Variants in TAFA2 observed in about 807,000 individuals in gnomAD.
TAFA2 encodes the protein TAFA chemokine like family member 2.
A neutral mutation model predicts 18.8 loss-of-function variants in TAFA2; 7 were observed. The ratio of observed to expected loss-of-function variants is 0.37; its 90% CI spans 0.21 to 0.70. The LOEUF is 0.70. TAFA2 is among the 30% of genes least tolerant of loss of function. TAFA2 has a pLI of 0.53. For synonymous variants in TAFA2, 60 were observed against 54.2 expected (o/e 1.11, Z -0.47); for missense variants, 122 against 158.1 (o/e 0.77, Z 1.23).
At chr12:62,065,030 A>G (rs1439186248) in intron 1 of TAFA2, among the ~76,000 whole-genome samples, 2 of 152,020 alleles carry the variant, frequency 1.3e-5, no homozygotes, top group African/African-American at 4.8e-5. Flanking sequence ...AATGCTACAT[A>G]TAATATTACT....
intron 1 of TAFA2, among the ~76,000 whole-genome samples, chr12:62,200,372 G>T (rs926800388): frequency 2.6e-5 from 4 of 152,120 alleles, no homozygotes; most frequent in African/African-American, 9.7e-5. Context: ...TTCTTCTAGG[G>T]TTTTTATATT....
chr12:62,021,814 C>G lies in TAFA2; in HGVS notation c.-1-154388G>C, dbSNP rs1055996371. 12 of 862,362 alleles carry G rather than the reference C, an allele frequency of 1.4e-5. No homozygotes were observed. The African/African-American group carries it at 1.7e-4, about 12-fold the overall frequency. 53.4% of individuals were successfully genotyped at this position (862,362 alleles called of 1,614,324 possible). ...GTGACAATGTAATAGTTAACACGGT[C>G]TCCGCTGTGGATCATCAGGCCATCC... On this transcript the variant is annotated intron_variant, in intron 1 of 4. Coordinates refer to ENST00000416284, the MANE Select transcript of TAFA2 (RefSeq NM_178539.5).
intron 1 of TAFA2, among the ~76,000 whole-genome samples, chr12:62,206,184 A>G (rs1034892073): frequency 1.1e-4 from 16 of 152,030 alleles, no homozygotes; most frequent in African/African-American, 3.9e-4. Flanking sequence ...CTTCCCCACC[A>G]TATGTATTTT....
chr12:61,984,606 T>C (rs1483650409), intron 1 of TAFA2, among the ~76,000 whole-genome samples: 1 of 152,216 alleles, frequency 6.6e-6, no homozygotes, highest in Non-Finnish European at 1.5e-5. Context: ...TGAAGACTTG[T>C]ATTATTCTAA....
chr12:62,061,434 C>T (rs538249283), intron 1 of TAFA2, among the ~76,000 whole-genome samples: 3 of 152,196 alleles, frequency 2.0e-5, no homozygotes, highest in African/African-American at 4.8e-5. Context: ...GGTGTGTAGT[C>T]GGCTTTACTA....
At chr12:61,732,765 G>A (rs968697223) in intron 4 of TAFA2, among the ~76,000 whole-genome samples, 6 of 151,742 alleles carry the variant, frequency 4.0e-5, no homozygotes, top group Admixed American at 6.6e-5. Flanking sequence ...GCGTGCGTGC[G>A]TGCATGTGTT....
intron 1 of TAFA2, among the ~76,000 whole-genome samples, chr12:62,138,187 G>A (rs564722628): frequency 3.4e-4 from 51 of 152,216 alleles, no homozygotes; most frequent in African/African-American, 1.1e-3. Flanking sequence ...GAAAGGATGA[G>A]GCAAGAGGAT....
At chr12:62,023,170 C>CAATAG (rs1224887082) in intron 1 of TAFA2, among the ~76,000 whole-genome samples, 8 of 151,972 alleles carry the variant, frequency 5.3e-5, no homozygotes, top group African/African-American at 1.9e-4. Flanking sequence ...GCCTGTTTTC[C>CAATAG]AATAGCAAAA....
chr12:61,788,755 G>A (rs1365012522), intron 2 of TAFA2, among the ~76,000 whole-genome samples: 1 of 151,556 alleles, frequency 6.6e-6, no homozygotes, highest in African/African-American at 2.4e-5. Context: ...AAACTGCTAT[G>A]AACAATTACA....
rs188436624 is a variant in TAFA2, at chr12:62,249,064, A to T, written c.-130+9699T>A. On this transcript the variant is annotated intron_variant, in intron 1 of 5. Transcript: ENST00000551619. The stretch of plus-strand genomic sequence containing the variant: ...CATGCCCCAGGGTAATTGTTTAAAA[A>T]TTTTTTTTTTTCATTCCTTCCCTGT... Among the ~76,000 whole-genome samples the T allele has an allele frequency of 0.012, 1,751 of 149,286 alleles. 76 individuals are homozygous for T. In the East Asian group the frequency reaches 0.13, roughly 11 times the overall value.
At chr12:62,157,057 T>TA (rs1353005252) in intron 1 of TAFA2, among the ~76,000 whole-genome samples, 1 of 152,164 alleles carries the variant, frequency 6.6e-6, no homozygotes, top group East Asian at 1.9e-4. Flanking sequence ...TTGCAAGTGA[T>TA]AAAATTAAAC....
At chr12:61,983,918 G>A (rs972190235) in intron 1 of TAFA2, among the ~76,000 whole-genome samples, 1 of 152,028 alleles carries the variant, frequency 6.6e-6, no homozygotes, top group Admixed American at 6.6e-5. Flanking sequence ...CTGCTAATCA[G>A]TCTTCCCTGA....
intron 1 of TAFA2, among the ~76,000 whole-genome samples, chr12:62,039,462 G>T (rs1359480939): frequency 1.3e-5 from 2 of 152,026 alleles, no homozygotes; most frequent in Non-Finnish European, 2.9e-5. Context: ...TTTTTCACTG[G>T]GTTCTTACTC....
intron 1 of TAFA2, among the ~76,000 whole-genome samples, chr12:62,215,680 G>A (rs2639726): frequency 1.2e-5 from 1 of 80,802 alleles, no homozygotes; most frequent in African/African-American, 4.8e-5. Flanking sequence ...TTAAGAGGAA[G>A]AACTTGTTTC....
intron 1 of TAFA2, among the ~76,000 whole-genome samples, chr12:62,187,919 A>C (rs1354349985): frequency 6.6e-6 from 1 of 152,212 alleles, no homozygotes; most frequent in Non-Finnish European, 1.5e-5. Context: ...CAATATGCTC[A>C]AAGTAGTTCA....
intron 2 of TAFA2, among the ~76,000 whole-genome samples, chr12:61,775,181 C>T (rs1427105453): frequency 6.6e-6 from 1 of 151,774 alleles, no homozygotes; most frequent in Non-Finnish European, 1.5e-5. Flanking sequence ...TGTGGAGCAA[C>T]AAGAACTCTC....
chr12:61,961,331 A>G (rs905515628), intron 1 of TAFA2, among the ~76,000 whole-genome samples: 1 of 151,964 alleles, frequency 6.6e-6, no homozygotes, highest in Admixed American at 6.6e-5. Context: ...AACCCAAACT[A>G]TATCAACTAT....
chr12:61,737,759 C>T (rs970907622), intron 4 of TAFA2, among the ~76,000 whole-genome samples: 1 of 151,640 alleles, frequency 6.6e-6, no homozygotes, highest in Non-Finnish European at 1.5e-5. Context: ...AATTTATTTG[C>T]TTAAAATTAT....
intron 2 of TAFA2, among the ~76,000 whole-genome samples, chr12:61,834,856 C>A (rs919644997): frequency 6.6e-6 from 1 of 152,022 alleles, no homozygotes; most frequent in African/African-American, 2.4e-5. Context: ...TATTGCATAA[C>A]TTATTGAAGC....
Sources: allele counts gnomAD v4.1 joint callset (sites outside exome capture counted in the v4.1 genomes callset), GRCh38; gene constraint gnomAD v4.1.1; transcripts MANE v1.5; gene names NCBI Gene and HGNC (gene_info 2026-07-23, HGNC 2026-07-21).